Variants in GRM7 observed in about 807,000 individuals in gnomAD.
GRM7 encodes the protein metabotropic glutamate receptor 7.
A neutral mutation model predicts 84.5 loss-of-function variants in GRM7; 35 were observed. That is an observed-to-expected ratio of 0.41 (90% CI 0.32 to 0.55). The LOEUF is 0.55. Ranked by LOEUF, GRM7 falls within the 20% of genes least tolerant of loss-of-function variation. GRM7 has a pLI of 0.19. For missense variants in GRM7, 1,003 were observed against 1,194.6 expected (o/e 0.84, Z 2.36); for synonymous variants, 487 against 455.1 (o/e 1.07, Z -0.89).
intron 2 of GRM7, among the ~76,000 whole-genome samples, chr3:7,224,023 G>A (rs1696897073): frequency 6.6e-6 from 1 of 152,100 alleles, no homozygotes; most frequent in Admixed American, 6.5e-5. Flanking sequence ...AGTCTCTCTG[G>A]TGTCTTTCTT....
intron 8 of GRM7, among the ~76,000 whole-genome samples, chr3:7,660,638 C>G (rs1320248770): frequency 6.6e-6 from 1 of 152,114 alleles, no homozygotes; most frequent in Admixed American, 6.5e-5. Context: ...CTTATAGAAA[C>G]TGACACACTT....
At chr3:7,109,304 C>G (rs1221164065) in intron 1 of GRM7, among the ~76,000 whole-genome samples, 1 of 152,058 alleles carries the variant, frequency 6.6e-6, no homozygotes, top group East Asian at 1.9e-4. Flanking sequence ...TAAAAAGAGT[C>G]AGAAGCCAAA....
At chr3:6,967,154 G>A (rs1559357120) in intron 1 of GRM7, among the ~76,000 whole-genome samples, 2 of 152,052 alleles carry the variant, frequency 1.3e-5, no homozygotes, top group Non-Finnish European at 2.9e-5. Flanking sequence ...CCAAACTATA[G>A]TAAGGCCTTA....
intron 1 of GRM7, among the ~76,000 whole-genome samples, chr3:7,014,491 A>G (rs1385738377): frequency 6.6e-6 from 1 of 151,944 alleles, no homozygotes; most frequent in East Asian, 1.9e-4. Context: ...ACAGAGGTGC[A>G]CCACCACGCC....
intron 8 of GRM7, among the ~76,000 whole-genome samples, chr3:7,588,028 C>T (rs1020733084): frequency 6.6e-6 from 1 of 152,084 alleles, no homozygotes; most frequent in African/African-American, 2.4e-5. Flanking sequence ...CTATACCCTC[C>T]CTCCCCAAGT....
At chr3:7,605,234 C>G (rs1696507773) in intron 8 of GRM7, among the ~76,000 whole-genome samples, 1 of 152,182 alleles carries the variant, frequency 6.6e-6, no homozygotes, top group South Asian at 2.1e-4. Flanking sequence ...AAAACAAAAG[C>G]TCTCTGTAGA....
chr3:7,309,058 T>A (rs1391595847), intron 4 of GRM7, among the ~76,000 whole-genome samples: 1 of 152,234 alleles, frequency 6.6e-6, no homozygotes, highest in Non-Finnish European at 1.5e-5. Context: ...AGAGTTCATA[T>A]GAAATTTTCT....
At chr3:7,250,403 TG>T (rs60134102) in intron 2 of GRM7, among the ~76,000 whole-genome samples, 151,929 of 151,930 alleles carry the variant, frequency 1, 75,964 homozygotes, top group Non-Finnish European at 1. Context: ...GAAATATATT[TG>T]GTGTTGATAA....
chr3:7,475,850 T>G (rs1698900851), intron 7 of GRM7, among the ~76,000 whole-genome samples: 1 of 152,208 alleles, frequency 6.6e-6, no homozygotes, highest in African/African-American at 2.4e-5. Flanking sequence ...CTTCTTTCAC[T>G]GGTCTCTGCT....
intron 7 of GRM7, among the ~76,000 whole-genome samples, chr3:7,544,370 A>G (rs75065092): frequency 8.3e-4 from 126 of 152,242 alleles, no homozygotes; most frequent in African/African-American, 2.7e-3. Context: ...TATGTTATCT[A>G]GTCTCAAATT....
intron 8 of GRM7, among the ~76,000 whole-genome samples, chr3:7,628,148 TAA>T (rs1273066602): frequency 2.0e-5 from 3 of 152,148 alleles, no homozygotes; most frequent in Non-Finnish European, 4.4e-5. Context: ...TTCTTAGAAA[TAA>T]AGATATTTAG....
At chr3:7,531,154 T>A (rs534884363) in intron 7 of GRM7, among the ~76,000 whole-genome samples, 125 of 152,344 alleles carry the variant, frequency 8.2e-4, no homozygotes, top group African/African-American at 2.9e-3. Flanking sequence ...GTTTCAGTTT[T>A]CTGCAACTGG....
chr3:7,176,229 TAAAAAAAAAAA>T lies in GRM7; in HGVS notation c.736+29584_736+29594del, dbSNP rs55732650. Among the ~76,000 whole-genome samples the T allele has an allele frequency of 3.7e-3, 233 of 63,156 alleles. 2 individuals are homozygous for T. Among genetic ancestry groups the T allele is most frequent in the Middle Eastern group, 0.014 (1 of 72 alleles). 41.4% of individuals were successfully genotyped at this position (63,156 alleles called of 152,430 possible). A position where few individuals can be genotyped will look rare whatever the true frequency, so the allele number is the denominator to read the frequency against. ...AAGGAGACCTCATCTCTATAAAAAG[TAAAAAAAAAAA>T]AAAAAAAAAAAAAAAAAAAAAATAG... is the stretch of plus-strand genomic sequence containing the variant. On this transcript the variant is annotated intron_variant, in intron 2 of 9. Coordinates refer to ENST00000357716, the MANE Select transcript of GRM7 (RefSeq NM_000844.4).
rs930330113 is a variant in GRM7, at chr3:6,930,610, T to C, written c.519+68703T>C. Among the ~76,000 whole-genome samples, 3 of 152,032 alleles carry C rather than the reference T, an allele frequency of 2.0e-5. No individual in the cohort carries two copies. In the South Asian group the frequency reaches 6.2e-4, roughly 32 times the overall value. On this transcript the variant is annotated intron_variant, in intron 1 of 9. Transcript: ENST00000357716. The stretch of plus-strand genomic sequence containing the variant: ...GGCACTCATTTTAGACCTAAATATA[T>C]GGTTCACCCAATGCAGGTGGGGAAA...
At position 7,708,774 on chromosome 3, in the gene GRM7, C is replaced by A. The variant is rs368746745; in HGVS notation, c.2698+28479C>A. On this transcript the variant is annotated intron_variant, in intron 9 of 9. Coordinates refer to ENST00000357716, the MANE Select transcript of GRM7 (RefSeq NM_000844.4). ...GCTCTCCCAGCAGCCGGGTAGGATC[C>A]CAGGGAAGTACCTCCGATGAGATGT... Among the ~76,000 whole-genome samples the A allele has an allele frequency of 1.3e-4, 19 of 151,834 alleles. No homozygotes were observed. The South Asian group carries it at 3.8e-3, about 30-fold the overall frequency.
At chr3:6,948,313 C>A (rs183953006) in intron 1 of GRM7, among the ~76,000 whole-genome samples, 1 of 152,300 alleles carries the variant, frequency 6.6e-6, no homozygotes, top group African/African-American at 2.4e-5. Context: ...TTGTTATGTA[C>A]CCAGTAGTCA....
At chr3:6,946,919 C>G (rs1232393991) in intron 1 of GRM7, among the ~76,000 whole-genome samples, 1 of 152,178 alleles carries the variant, frequency 6.6e-6, no homozygotes, top group Non-Finnish European at 1.5e-5. Flanking sequence ...TGAGACTTTG[C>G]TGAAGTTGCT....
At chr3:7,670,316 C>G (rs970285933) in intron 8 of GRM7, among the ~76,000 whole-genome samples, 1 of 152,110 alleles carries the variant, frequency 6.6e-6, no homozygotes, top group African/African-American at 2.4e-5. Context: ...CCAACAGCAA[C>G]AGAGGAAGAT....
chr3:7,375,719 G>T (rs890839636), intron 4 of GRM7, among the ~76,000 whole-genome samples: 5 of 151,926 alleles, frequency 3.3e-5, no homozygotes, highest in African/African-American at 1.2e-4. Context: ...GCCCCTCCCT[G>T]CAAAACTACA....
Sources: allele counts gnomAD v4.1 joint callset (sites outside exome capture counted in the v4.1 genomes callset), GRCh38; gene constraint gnomAD v4.1.1; transcripts MANE v1.5; gene names NCBI Gene and HGNC (gene_info 2026-07-23, HGNC 2026-07-21).